Variants in PAN3 observed in about 807,000 individuals in gnomAD.
The protein encoded by PAN3 is PAN2-PAN3 deadenylation complex subunit PAN3.
PAN3 carries 19 observed loss-of-function variants against 96.2 expected under a neutral mutation model. The ratio of observed to expected loss-of-function variants is 0.20; its 90% confidence interval spans 0.14 to 0.29. The LOEUF (loss-of-function observed/expected upper bound fraction) is 0.29, where lower values mean the gene tolerates loss of function less well. Ranked by LOEUF, PAN3 falls within the 10% of genes least tolerant of loss-of-function variation. The pLI, the probability that PAN3 is intolerant of heterozygous loss-of-function variation, is 1.00. For synonymous variants in PAN3, 433 were observed against 406.6 expected (o/e 1.06, Z -0.78); for missense variants, 882 against 1,108.1 (o/e 0.80, Z 2.90).
chr13:28,260,088 A>T (rs1885567446), intron 7 of PAN3, among the ~76,000 whole-genome samples: 1 of 152,152 alleles, frequency 6.6e-6, no homozygotes. Context: ...ACAATAATAA[A>T]GCTTATTGAT....
At chr13:28,256,171 T>C in intron 6 of PAN3, 121 bp from the exon 7 acceptor site, 2 of 1,059,482 alleles carry the variant, frequency 1.9e-6, no homozygotes, top group Non-Finnish European at 2.7e-6. Context: ...TTCCTTCATC[T>C]TTGCACTTAC....
At position 28,293,782 on chromosome 13, in the gene PAN3, A is replaced by T. The variant is rs1381943514; in HGVS notation, c.*1260A>T. The T allele has an allele frequency of 6.6e-6, 1 of 152,610 alleles. No homozygotes were observed. The allele number at this position is 152,610 out of a possible 1,614,324, so 9.5% of individuals were successfully genotyped here. A position where few individuals can be genotyped will look rare whatever the true frequency, so the allele number is the denominator to read the frequency against. On this transcript the variant is annotated 3_prime_UTR_variant, in exon 19 of 19. Transcript: ENST00000380958. ...AATTTCTAGTAAATGAAATACCTAT[A>T]CTTTGATACTGAAGACTGCCAAATA...
chr13:28,247,229 G>A (rs568177406), intron 6 of PAN3, among the ~76,000 whole-genome samples: 9 of 151,750 alleles, frequency 5.9e-5, no homozygotes, highest in South Asian at 2.1e-4. Context: ...GGGAAATGTC[G>A]GTCCTGATCT....
intron 1 of PAN3, among the ~76,000 whole-genome samples, chr13:28,153,254 T>TTTC (rs3057796): frequency 6.8e-6 from 1 of 147,986 alleles, no homozygotes; most frequent in Non-Finnish European, 1.5e-5. Context: ...TTTTTTTTTT[T>TTTC]GAGACCGAGT....
intron 1 of PAN3, among the ~76,000 whole-genome samples, chr13:28,139,551 T>TGTGTGTG (rs60579592): frequency 1.1e-4 from 10 of 86,992 alleles, no homozygotes; most frequent in Admixed American, 2.5e-4. Flanking sequence ...TGTGTGTGTG[T>TGTGTGTG]AGGGGGCGGG....
At chr13:28,250,982 T>C (rs1016786522) in intron 6 of PAN3, among the ~76,000 whole-genome samples, 1 of 152,242 alleles carries the variant, frequency 6.6e-6, no homozygotes, top group African/African-American at 2.4e-5. Flanking sequence ...TTCCAGGTTT[T>C]ATTTCTGGTT....
At chr13:28,266,936 C>A in intron 10 of PAN3, 60 bp downstream of exon 10, 1 of 1,365,632 alleles carries the variant, frequency 7.3e-7, no homozygotes, top group African/African-American at 1.5e-5. Flanking sequence ...ATTATTCAAA[C>A]CTTCTTGAAT....
chr13:28,191,342 T>C (rs1293803251), intron 4 of PAN3, among the ~76,000 whole-genome samples: 1 of 152,230 alleles, frequency 6.6e-6, no homozygotes, highest in Non-Finnish European at 1.5e-5. Flanking sequence ...TCTGTTATTA[T>C]TGCCTCAAGT....
intron 17 of PAN3, among the ~76,000 whole-genome samples, chr13:28,285,274 CT>C (rs1323730334): frequency 6.6e-6 from 1 of 152,058 alleles, no homozygotes; most frequent in Admixed American, 6.6e-5. Flanking sequence ...AGTTTCTATA[CT>C]TTTAATTTCT....
At position 28,221,071 on chromosome 13, in the gene PAN3, G is replaced by C. The variant is rs185686691; in HGVS notation, c.1000+693G>C. 3.2e-3 allele frequency among the ~76,000 whole-genome samples: 488 copies of C among 152,184 alleles called. 3 individuals are homozygous for C. Among genetic ancestry groups the C allele is most frequent in the African/African-American group, 0.011 (460 of 41,538 alleles). Reference sequence around the variant, plus strand: ...TTTGAGAAATCTATGATTCTTTGCAGTCTTCATTTTTATCTTAAGAATTCA... The same window carrying C: ...TTTGAGAAATCTATGATTCTTTGCACTCTTCATTTTTATCTTAAGAATTCA... On this transcript the variant is annotated intron_variant, in intron 6 of 18. Transcript: ENST00000380958.
In PAN3 at chr13:28,252,478, T is replaced by TA. The variant is rs372617971; in HGVS notation, c.1001-3813dup. Among the ~76,000 whole-genome samples, 487 of 152,182 alleles carry TA rather than the reference T, an allele frequency of 3.2e-3. 3 individuals are homozygous for TA. The highest frequency in any genetic ancestry group is 0.011 in the African/African-American group (459 of 41,548). On this transcript the variant is annotated intron_variant, in intron 6 of 18. Coordinates refer to ENST00000380958, the MANE Select transcript of PAN3 (RefSeq NM_175854.8). The stretch of plus-strand genomic sequence containing the variant: ...AGGTTTTCCAGAAATAGAATTGTGT[T>TA]ATCCAAAAAAACAGTGATGCTTTGC...
At chr13:28,225,538 C>T (rs1261424987) in intron 6 of PAN3, among the ~76,000 whole-genome samples, 2 of 152,182 alleles carry the variant, frequency 1.3e-5, no homozygotes, top group East Asian at 1.9e-4. Flanking sequence ...TCCAGCCTTG[C>T]GCCAATCTAG....
At chr13:28,208,269 A>G (rs529957319) in intron 5 of PAN3, among the ~76,000 whole-genome samples, 11 of 152,310 alleles carry the variant, frequency 7.2e-5, no homozygotes, top group African/African-American at 2.4e-4. Context: ...ATAAGTAGCA[A>G]TAATCGTAGC....
Position 28,280,584 on chromosome 13 carries a change from CAG to C in PAN3, c.2319+46_2319+47del, listed in dbSNP as rs1566257390. On this transcript the variant is annotated intron_variant, in intron 16 of 18. Transcript: ENST00000380958. ...TTTTTTTTTTTTTTTTTTTTTGAGACAGAGTCTTGCTTTGTCACCCAGGCTGG... is the reference window on the plus strand; with the variant it reads ...TTTTTTTTTTTTTTTTTTTTTGAGACAGTCTTGCTTTGTCACCCAGGCTGG... 5 of 1,030,476 alleles carry C rather than the reference CAG, an allele frequency of 4.9e-6. No homozygotes were observed. In the African/African-American group the frequency reaches 7.3e-5, roughly 15 times the overall value. 63.8% of individuals were successfully genotyped at this position (1,030,476 alleles called of 1,614,324 possible). A position where few individuals can be genotyped will look rare whatever the true frequency, so the allele number is the denominator to read the frequency against.
intron 6 of PAN3, chr13:28,239,543 G>T (rs1883451982): frequency 8.5e-7 from 1 of 1,179,878 alleles, no homozygotes; most frequent in Non-Finnish European, 1.1e-6. Flanking sequence ...CTTATGAGCA[G>T]TAGCTGTTCT....
intron 14 of PAN3, among the ~76,000 whole-genome samples, chr13:28,274,770 G>A (rs1467256208): frequency 6.6e-6 from 1 of 151,100 alleles, no homozygotes; most frequent in Non-Finnish European, 1.5e-5. Context: ...TCTTTTTTTG[G>A]GTATATATGT....
At chr13:28,280,762 T>C (rs1409075321) in intron 16 of PAN3, among the ~76,000 whole-genome samples, 1 of 151,892 alleles carries the variant, frequency 6.6e-6, no homozygotes, top group East Asian at 1.9e-4. Context: ...GGTTTCACCA[T>C]GTTGGCCAGG....
intron 1 of PAN3, among the ~76,000 whole-genome samples, chr13:28,145,286 C>T (rs562326896): frequency 5.9e-5 from 9 of 151,928 alleles, no homozygotes; most frequent in East Asian, 1.9e-4. Context: ...TATTACAGAT[C>T]GTGCCTAACT....
intron 5 of PAN3, among the ~76,000 whole-genome samples, chr13:28,219,337 G>A (rs1308496183): frequency 1.3e-5 from 2 of 151,724 alleles, no homozygotes; most frequent in Admixed American, 6.6e-5. Flanking sequence ...ACTTTAGCTG[G>A]CACATAACTG....
Sources: allele counts gnomAD v4.1 joint callset (sites outside exome capture counted in the v4.1 genomes callset), GRCh38; gene constraint gnomAD v4.1.1; transcripts MANE v1.5; gene names NCBI Gene and HGNC (gene_info 2026-07-23, HGNC 2026-07-21).